EIPR1: variants seen among roughly 807,000 people sequenced by gnomAD.
EIPR1 encodes EARP and GARP complex-interacting protein 1.
A neutral mutation model predicts 48.1 loss-of-function variants in EIPR1; 25 were observed. The ratio of observed to expected loss-of-function variants is 0.52; its 90% confidence interval spans 0.38 to 0.73. The LOEUF (loss-of-function observed/expected upper bound fraction) is 0.73, where lower values mean the gene tolerates loss of function less well. EIPR1 is among the 30% of genes least tolerant of loss of function. EIPR1 has a pLI of 0.00. For synonymous variants in EIPR1, 204 were observed against 201.9 expected (o/e 1.01, Z -0.09); for missense variants, 415 against 506.2 (o/e 0.82, Z 1.73).
At chr2:3,376,372 G>A (rs1172995199) in intron 1 of EIPR1, among the ~76,000 whole-genome samples, 1 of 151,920 alleles carries the variant, frequency 6.6e-6, no homozygotes, top group Non-Finnish European at 1.5e-5. Context: ...TACTAACACT[G>A]CTGCCTCTCT....
intron 5 of EIPR1, among the ~76,000 whole-genome samples, chr2:3,201,073 T>G (rs1312232444): frequency 6.6e-6 from 1 of 152,204 alleles, no homozygotes; most frequent in African/African-American, 2.4e-5. Flanking sequence ...ACATTGGGCT[T>G]TGGGGCTGCC....
At chr2:3,203,288 AG>A in intron 5 of EIPR1, among the ~76,000 whole-genome samples, 1 of 152,380 alleles carries the variant, frequency 6.6e-6, no homozygotes, top group South Asian at 2.1e-4. Context: ...TAGAGTAACT[AG>A]GGAAAGCTTT....
At chr2:3,238,470 A>T (rs2103180794) in intron 4 of EIPR1, among the ~76,000 whole-genome samples, 1 of 152,286 alleles carries the variant, frequency 6.6e-6, no homozygotes, top group South Asian at 2.1e-4. Flanking sequence ...TCTGCTTTTA[A>T]GGCTAATGCA....
In EIPR1 at chr2:3,319,580, G is replaced by A. The variant is rs73133190; in HGVS notation, c.259+18437C>T. On this transcript the variant is annotated intron_variant, in intron 3 of 8. Transcript: ENST00000382125. ...TGGGGCCCAAGCTCCAGTCTTCTGA[G>A]GTTTCCTTATCACTCTCCATGCCCA... The A allele has an allele frequency of 6.8e-3, 1,101 of 162,250 alleles. 19 individuals are homozygous for A. The highest frequency in any genetic ancestry group is 0.025 in the African/African-American group (1,053 of 41,578). The allele number at this position is 162,250 out of a possible 1,614,324, so 10.1% of individuals were successfully genotyped here. A position where few individuals can be genotyped will look rare whatever the true frequency, so the allele number is the denominator to read the frequency against.
intron 3 of EIPR1, among the ~76,000 whole-genome samples, chr2:3,277,999 C>T (rs1054532757): frequency 1.3e-5 from 2 of 152,188 alleles, no homozygotes; most frequent in Non-Finnish European, 2.9e-5. Context: ...TTTCAGGGCC[C>T]CAGCCCACCC....
intron 6 of EIPR1, among the ~76,000 whole-genome samples, chr2:3,196,132 G>A (rs977947451): frequency 6.6e-6 from 1 of 152,196 alleles, no homozygotes; most frequent in Admixed American, 6.5e-5. Flanking sequence ...CACAAAGGAG[G>A]AAGTGGCAAG....
At chr2:3,190,361 C>G (rs1664562017) in intron 8 of EIPR1, among the ~76,000 whole-genome samples, 1 of 151,806 alleles carries the variant, frequency 6.6e-6, no homozygotes, top group Admixed American at 6.6e-5. Flanking sequence ...AAATGCTTCA[C>G]CCCCCCAGCA....
At chr2:3,252,915 C>T (rs1257075906) in intron 4 of EIPR1, among the ~76,000 whole-genome samples, 2 of 152,230 alleles carry the variant, frequency 1.3e-5, no homozygotes, top group African/African-American at 4.8e-5. Context: ...CTAAGAACCC[C>T]ACCCATCTGA....
intron 2 of EIPR1, among the ~76,000 whole-genome samples, chr2:3,345,948 A>AACC (rs539173395): frequency 2.0e-4 from 31 of 152,124 alleles, no homozygotes; most frequent in Admixed American, 5.9e-4. Context: ...GTCCAGTGAA[A>AACC]ACCACCACCA....
At chr2:3,358,448 T>C (rs1212800042) in intron 1 of EIPR1, among the ~76,000 whole-genome samples, 1 of 152,172 alleles carries the variant, frequency 6.6e-6, no homozygotes, top group South Asian at 2.1e-4. Flanking sequence ...TACACATGTC[T>C]AGAGCAACAT....
intron 3 of EIPR1, among the ~76,000 whole-genome samples, chr2:3,266,441 G>A (rs142517863): frequency 6.6e-6 from 1 of 152,212 alleles, no homozygotes; most frequent in Admixed American, 6.5e-5. Flanking sequence ...TACCTTCCTC[G>A]ATGGCCTTTT....
chr2:3,192,605 G>C (rs1414804520), intron 7 of EIPR1, 24 bp from the exon 8 acceptor site: 24 of 1,605,670 alleles, frequency 1.5e-5, no homozygotes, highest in Non-Finnish European at 2.0e-5. Flanking sequence ...GGCAGCTGCT[G>C]AAATGAACTG....
intron 4 of EIPR1, among the ~76,000 whole-genome samples, chr2:3,243,057 C>G (rs1418682472): frequency 1.3e-5 from 2 of 152,156 alleles, no homozygotes; most frequent in African/African-American, 4.8e-5. Flanking sequence ...TTCTGACAGG[C>G]AAGCATGGAA....
At chr2:3,319,902 ACAACACCGCACCTGTGGG>A (rs1669461311) in intron 3 of EIPR1, 2 of 54,294 alleles carry the variant, frequency 3.7e-5, no homozygotes, top group Non-Finnish European at 5.8e-5. Flanking sequence ...GCACCTGTGG[ACAACACCGCACCTGTGGG>A]CAGGGCAATA....
In EIPR1 at chr2:3,337,982, C is replaced by G. The variant is rs1320431177; in HGVS notation, c.259+35G>C. The G allele has an allele frequency of 5.1e-6, 8 of 1,568,142 alleles. No individual in the cohort carries two copies. In the African/African-American group the frequency reaches 5.5e-5, roughly 11 times the overall value. ...TCTTAGGAAATACCTCCAGTTACCT[C>G]CAGTTAGCAAGTACCTTAGAAAAGC... On this transcript the variant is annotated intron_variant, in intron 3 of 8. Transcript: ENST00000382125.
chr2:3,292,757 GC>G (rs1255413887), intron 3 of EIPR1, among the ~76,000 whole-genome samples: 3 of 151,954 alleles, frequency 2.0e-5, no homozygotes. Flanking sequence ...CCAAGATGAT[GC>G]CAGTACTATG....
In EIPR1 at chr2:3,304,216, G is replaced by A. The variant is rs532414355; in HGVS notation, c.259+33801C>T. Among the ~76,000 whole-genome samples, 9 of 152,324 alleles carry A rather than the reference G, an allele frequency of 5.9e-5. No homozygotes were observed. In the East Asian group the frequency reaches 9.7e-4, roughly 16 times the overall value. On this transcript the variant is annotated intron_variant, in intron 3 of 8. Coordinates refer to ENST00000382125, the MANE Select transcript of EIPR1 (RefSeq NM_003310.5). ...AGGCTGCAGAGATCCAGGGAACAGCGTGCTGTGCGCGGGGAGGTGGTCTGG... is the reference window on the plus strand; with the variant it reads ...AGGCTGCAGAGATCCAGGGAACAGCATGCTGTGCGCGGGGAGGTGGTCTGG...
intron 3 of EIPR1, among the ~76,000 whole-genome samples, chr2:3,337,678 C>G (rs1421820883): frequency 6.6e-6 from 1 of 152,182 alleles, no homozygotes; most frequent in Non-Finnish European, 1.5e-5. Flanking sequence ...CAAGACACTA[C>G]AGGAAAGAGA....
At chr2:3,199,253 G>A (rs1184875000) in intron 5 of EIPR1, among the ~76,000 whole-genome samples, 1 of 152,012 alleles carries the variant, frequency 6.6e-6, no homozygotes, top group Non-Finnish European at 1.5e-5. Context: ...CTGTTATCCT[G>A]TTCTTAAGGT....
Sources: allele counts gnomAD v4.1 joint callset (sites outside exome capture counted in the v4.1 genomes callset), GRCh38; gene constraint gnomAD v4.1.1; transcripts MANE v1.5; gene names NCBI Gene and HGNC (gene_info 2026-07-23, HGNC 2026-07-21).